NXPE3: variants seen among roughly 807,000 people sequenced by gnomAD.
NXPE3 encodes NXPE family member 3.
Under a neutral mutation model 46.1 loss-of-function variants are expected in NXPE3, and 26 were observed. That is an observed-to-expected ratio of 0.56 (90% CI 0.41 to 0.78). The LOEUF (loss-of-function observed/expected upper bound fraction) is 0.78, where lower values mean the gene tolerates loss of function less well. Ranked by LOEUF, NXPE3 falls within the 30% of genes least tolerant of loss-of-function variation. The pLI is 0.00. For synonymous variants in NXPE3, 272 were observed against 257.9 expected (o/e 1.05, Z -0.52); for missense variants, 620 against 686.0 (o/e 0.90, Z 1.07).
At chr3:101,804,543 C>G (rs1191017165) in intron 5 of NXPE3, among the ~76,000 whole-genome samples, 7 of 152,094 alleles carry the variant, frequency 4.6e-5, no homozygotes, top group African/African-American at 1.7e-4. Flanking sequence ...TGTTAAAGTT[C>G]TGAAATATTG....
At position 101,820,994 on chromosome 3, in the gene NXPE3, T is replaced by A. The variant is rs186867854; in HGVS notation, c.1130-410T>A. 4.3e-4 allele frequency among the ~76,000 whole-genome samples: 66 copies of A among 151,962 alleles called. 1 individual carries two copies. Among genetic ancestry groups the A allele is most frequent in the African/African-American group, 1.5e-3 (64 of 41,412 alleles). On this transcript the variant is annotated intron_variant, in intron 7 of 7. Transcript: ENST00000273347. ...CTATGTAACAAACCTTTACGTGCAC[T>A]CCCAAACCTAAAATAAAAGTAAAAA...
chr3:101,815,439 G>T (rs1263429941), intron 6 of NXPE3, among the ~76,000 whole-genome samples: 1 of 152,216 alleles, frequency 6.6e-6, no homozygotes, highest in African/African-American at 2.4e-5. Context: ...TAAAGTATTA[G>T]TCTAAGTTGT....
chr3:101,821,296 TG>T, intron 7 of NXPE3, 107 bp from the exon 8 acceptor site: 1 of 815,146 alleles, frequency 1.2e-6, no homozygotes, highest in Admixed American at 2.7e-5. Context: ...TGTACCTTTT[TG>T]TTGTACTTAA....
intron 6 of NXPE3, among the ~76,000 whole-genome samples, chr3:101,812,854 T>C (rs1052269269): frequency 1.4e-5 from 2 of 142,322 alleles, no homozygotes; most frequent in African/African-American, 2.6e-5. Flanking sequence ...ATATTTGGAC[T>C]AGCTACTCTC....
chr3:101,819,454 A>G (rs1157875665), intron 7 of NXPE3, among the ~76,000 whole-genome samples: 1 of 152,230 alleles, frequency 6.6e-6, no homozygotes, highest in East Asian at 1.9e-4. Context: ...TGTTATTCTC[A>G]TGATAGAGAT....
rs1308181367 is a variant in NXPE3, at chr3:101,823,678, T to C, written c.*1724T>C. On this transcript the variant is annotated 3_prime_UTR_variant, in exon 8 of 8. Coordinates refer to ENST00000273347, the MANE Select transcript of NXPE3 (RefSeq NM_145037.4). ...TACTAGGGAGGCTAAGGCAGGGTGA[T>C]TGATTGAGCCCAGTAGTTTGAGGCT... is the stretch of plus-strand genomic sequence containing the variant. 1.3e-5 allele frequency: 2 copies of C among 152,112 alleles called. No homozygotes were observed. Among genetic ancestry groups the C allele is most frequent in the Non-Finnish European group, 2.9e-5 (2 of 68,056 alleles). The allele number at this position is 152,112 out of a possible 1,614,324, so 9.4% of individuals were successfully genotyped here.
At chr3:101,805,456 T>G (rs950039155) in intron 5 of NXPE3, among the ~76,000 whole-genome samples, 9 of 146,156 alleles carry the variant, frequency 6.2e-5, no homozygotes, top group Admixed American at 2.1e-4. Context: ...TGAGATAGGG[T>G]GTCGCTTTGT....
chr3:101,806,957 C>T (rs547277180), intron 5 of NXPE3, 96 bp from the exon 6 acceptor site: 47 of 834,868 alleles, frequency 5.6e-5, no homozygotes, highest in African/African-American at 4.2e-4. Flanking sequence ...AATAAGGCTC[C>T]GTGAAATTAG....
At chr3:101,819,657 T>C (rs1331920707) in intron 7 of NXPE3, among the ~76,000 whole-genome samples, 1 of 152,224 alleles carries the variant, frequency 6.6e-6, no homozygotes, top group Non-Finnish European at 1.5e-5. Flanking sequence ...GATAAGTATA[T>C]TTATGGGGTA....
chr3:101,812,676 G>A (rs1027844298), intron 6 of NXPE3, among the ~76,000 whole-genome samples: 8 of 151,826 alleles, frequency 5.3e-5, no homozygotes, highest in South Asian at 2.1e-4. Flanking sequence ...GCCGGGCGTG[G>A]TGGCAGGCGC....
In NXPE3 at chr3:101,827,706, A is replaced by G. The variant is rs1253468299; in HGVS notation, c.*5752A>G. On this transcript the variant is annotated 3_prime_UTR_variant, in exon 8 of 8. Transcript: ENST00000273347. Reference sequence around the variant, plus strand: ...TGATTCCTCCCTGCGGCTCCAGTCCAGGTCTTGGAGCCGGCCCTCGAGGGG... The same window carrying G: ...TGATTCCTCCCTGCGGCTCCAGTCCGGGTCTTGGAGCCGGCCCTCGAGGGG... Among the ~76,000 whole-genome samples the G allele has an allele frequency of 6.6e-6, 1 of 152,162 alleles. No homozygotes were observed. The highest frequency in any genetic ancestry group is 6.5e-5 in the Admixed American group (1 of 15,282).
chr3:101,809,349 A>G (rs1195643485), intron 6 of NXPE3, among the ~76,000 whole-genome samples: 1 of 152,206 alleles, frequency 6.6e-6, no homozygotes, highest in Non-Finnish European at 1.5e-5. Flanking sequence ...CCAGCTTGGC[A>G]GAACTTCATT....
At chr3:101,786,643 C>T (rs553966586) in intron 4 of NXPE3, among the ~76,000 whole-genome samples, 42 of 152,278 alleles carry the variant, frequency 2.8e-4, no homozygotes, top group African/African-American at 9.6e-4. Context: ...TCTTCTTTTT[C>T]TTTGCTTAAA....
At chr3:101,817,518 ACT>A (rs1485578576) in intron 7 of NXPE3, among the ~76,000 whole-genome samples, 2 of 152,168 alleles carry the variant, frequency 1.3e-5, no homozygotes, top group East Asian at 3.9e-4. Flanking sequence ...CATTGGTGTG[ACT>A]CTGAGATGGA....
chr3:101,801,390 T>C lies in NXPE3; in HGVS notation c.249T>C (p.Ala83=). The change falls in exon 5 of 8, where the codon GCT becomes GCC. Residue 83 remains alanine, a synonymous_variant. Coordinates refer to ENST00000273347, the MANE Select transcript of NXPE3 (RefSeq NM_145037.4). The stretch of plus-strand genomic sequence containing the variant: ...GCATGGAGGAGGACTCCTTGCTGGC[T>C]GCCTTGCACCGGCAGGTTCCTGATG... The part of the protein sequence containing the change: ...QERMEEDSLL[A]ALHRQVPDVG... 6.2e-7 allele frequency: 1 copy of C among 1,614,238 alleles called. No homozygotes were observed. The highest frequency in any genetic ancestry group is 1.6e-4 in the Middle Eastern group (1 of 6,062).
intron 5 of NXPE3, among the ~76,000 whole-genome samples, chr3:101,804,797 G>T (rs1416465266): frequency 2.6e-5 from 4 of 152,140 alleles, no homozygotes; most frequent in Admixed American, 6.5e-5. Context: ...ATCTATAAGG[G>T]AATAAAAGTG....
intron 7 of NXPE3, among the ~76,000 whole-genome samples, chr3:101,820,444 C>T (rs925918222): frequency 3.9e-5 from 6 of 152,138 alleles, no homozygotes; most frequent in Non-Finnish European, 7.3e-5. Context: ...TAAATTAATT[C>T]GATCATTGTG....
intron 4 of NXPE3, among the ~76,000 whole-genome samples, chr3:101,799,891 A>G (rs1248621381): frequency 6.6e-6 from 1 of 152,116 alleles, no homozygotes; most frequent in African/African-American, 2.4e-5. Context: ...TTTAATGTCC[A>G]TGGGATCTGT....
chr3:101,794,838 G>T (rs11714444), intron 4 of NXPE3, among the ~76,000 whole-genome samples: 5 of 151,944 alleles, frequency 3.3e-5, no homozygotes, highest in African/African-American at 1.2e-4. Context: ...GGAAACTTCC[G>T]TACTTAATGC....
Sources: allele counts gnomAD v4.1 joint callset (sites outside exome capture counted in the v4.1 genomes callset), GRCh38; gene constraint gnomAD v4.1.1; transcripts MANE v1.5; gene names NCBI Gene and HGNC (gene_info 2026-07-23, HGNC 2026-07-21).